DNAAF9: variants seen among roughly 807,000 people sequenced by gnomAD.
DNAAF9 encodes the protein dynein axonemal assembly factor 9, also known as shulin.
In DNAAF9, 90 loss-of-function variants were observed where a neutral mutation model predicts 167.0. The observed-to-expected ratio is 0.54, with a 90% CI of 0.45 to 0.64. The LOEUF is 0.64. DNAAF9 is among the 30% of genes least tolerant of loss of function. The pLI is 0.00. For synonymous variants in DNAAF9, 491 were observed against 508.8 expected (o/e 0.96, Z 0.47); for missense variants, 1,315 against 1,442.2 (o/e 0.91, Z 1.43).
chr20:3,324,887 C>G lies in DNAAF9; in HGVS notation c.1265+5G>C. 6.5e-7 allele frequency: 1 copy of G among 1,527,990 alleles called. No individual in the cohort carries two copies. The highest frequency in any genetic ancestry group is 9.0e-7 in the Non-Finnish European group (1 of 1,108,196). The allele number at this position is 1,527,990 out of a possible 1,614,324, so 94.7% of individuals were successfully genotyped here. A position where few individuals can be genotyped will look rare whatever the true frequency, so the allele number is the denominator to read the frequency against. ...TCCTTATAAAAAATATCAGCCATTGCTTACCGCAGGGCTGCCTTAAACGGA... is the reference window on the plus strand; with the variant it reads ...TCCTTATAAAAAATATCAGCCATTGGTTACCGCAGGGCTGCCTTAAACGGA... On this transcript the variant is annotated splice_donor_5th_base_variant and intron_variant, in intron 14 of 36. Transcript: ENST00000252032.
intron 1 of DNAAF9, among the ~76,000 whole-genome samples, chr20:3,400,137 T>C (rs965682495): frequency 6.6e-6 from 1 of 152,252 alleles, no homozygotes; most frequent in African/African-American, 2.4e-5. Flanking sequence ...TCTGAATATT[T>C]CCTTACAGAA....
chr20:3,364,349 T>C (rs930836372), intron 6 of DNAAF9, among the ~76,000 whole-genome samples: 1 of 152,200 alleles, frequency 6.6e-6, no homozygotes, highest in Admixed American at 6.5e-5. Flanking sequence ...TGTATTCCTA[T>C]AAATATTCTT....
chr20:3,383,536 A>C (rs1403423242), intron 1 of DNAAF9, among the ~76,000 whole-genome samples: 7 of 151,644 alleles, frequency 4.6e-5, no homozygotes, highest in African/African-American at 1.7e-4. Flanking sequence ...TACAGGTGTG[A>C]GCCACCGCGC....
chr20:3,379,507 T>C (rs2083618788), intron 3 of DNAAF9, among the ~76,000 whole-genome samples: 2 of 151,816 alleles, frequency 1.3e-5, no homozygotes, highest in African/African-American at 4.8e-5. Flanking sequence ...GGCAGGAGAC[T>C]CCACCAGGAG....
Position 3,407,577 on chromosome 20 carries a change from C to T in DNAAF9, c.-20G>A. On this transcript the variant is annotated 5_prime_UTR_variant, in exon 1 of 37. Coordinates refer to ENST00000252032, the MANE Select transcript of DNAAF9 (RefSeq NM_001009984.3). ...GTCCATGGCGGCGGACGACTGGCGG[C>T]GGAGGAGGACGGTGCAGCTGCGAGG... The T allele has an allele frequency of 8.1e-7, 1 of 1,230,258 alleles. No individual in the cohort carries two copies. The highest frequency in any genetic ancestry group is 1.0e-6 in the Non-Finnish European group (1 of 986,774). The allele number at this position is 1,230,258 out of a possible 1,614,324, so 76.2% of individuals were successfully genotyped here. A position where few individuals can be genotyped will look rare whatever the true frequency, so the allele number is the denominator to read the frequency against.
rs556120595 is a variant in DNAAF9, at chr20:3,304,543, C to T, written c.1679G>A (p.Gly560Glu). Residue 560 changes from glycine (G) to glutamate (E), a missense_variant and splice_region_variant, in exon 21 of 37, where the codon GGG (glycine) becomes GAG (glutamate). Physicochemically the swap from Gly to Glu is moderately conservative, Grantham distance 98. Transcript: ENST00000252032. Reference protein sequence around the residue: ...SSNLQSWPEEGNVHFFSSGLL... With the variant: ...SSNLQSWPEEENVHFFSSGLL... ...GCCACTAGAGAAGAAATGAACATTC[C>T]CTGGAAGGAAAAGAGAGTTGGTCAG... is the stretch of plus-strand genomic sequence containing the variant. 25 of 1,374,498 alleles carry T rather than the reference C, an allele frequency of 1.8e-5. No individual in the cohort carries two copies. The South Asian group carries it at 2.8e-4, about 15-fold the overall frequency. 85.1% of individuals were successfully genotyped at this position (1,374,498 alleles called of 1,614,324 possible).
chr20:3,279,820 T>C (rs972622989), intron 28 of DNAAF9, among the ~76,000 whole-genome samples: 1 of 152,310 alleles, frequency 6.6e-6, no homozygotes, highest in Middle Eastern at 3.4e-3. Context: ...CCAGGTCTGT[T>C]TGGCACCACA....
chr20:3,349,961 C>G (rs761562867), intron 7 of DNAAF9, among the ~76,000 whole-genome samples: 40 of 152,032 alleles, frequency 2.6e-4, no homozygotes, highest in Non-Finnish European at 4.4e-4. Flanking sequence ...TGCACCAAAA[C>G]TCACTGGCCA....
intron 20 of DNAAF9, among the ~76,000 whole-genome samples, chr20:3,310,638 T>C (rs918562932): frequency 1.3e-5 from 2 of 151,678 alleles, no homozygotes; most frequent in Admixed American, 6.6e-5. Flanking sequence ...TGAGCTGAGA[T>C]TGCGCCACTG....
intron 27 of DNAAF9, 116 bp from the exon 28 acceptor site, chr20:3,281,882 C>T: frequency 1.0e-6 from 1 of 982,534 alleles, no homozygotes. Context: ...AAAGGAAGAG[C>T]CCGCAATCTG....
At position 3,249,730 on chromosome 20, in the gene DNAAF9, G is replaced by A. The variant is rs1055586235; in HGVS notation, c.*2842C>T. ...GAATACTTCGTAGTTTACAATCTTT[G>A]AATTGAACTTTTCCCTTTTGAGAAG... On this transcript the variant is annotated 3_prime_UTR_variant, in exon 37 of 37. Coordinates refer to ENST00000252032, the MANE Select transcript of DNAAF9 (RefSeq NM_001009984.3). The A allele has an allele frequency of 6.6e-6, 1 of 152,130 alleles. No individual in the cohort carries two copies. Among genetic ancestry groups the A allele is most frequent in the Admixed American group, 6.5e-5 (1 of 15,274 alleles). The allele number at this position is 152,130 out of a possible 1,614,324, so 9.4% of individuals were successfully genotyped here. A position where few individuals can be genotyped will look rare whatever the true frequency, so the allele number is the denominator to read the frequency against.
chr20:3,299,354 C>T (rs2069142560), intron 21 of DNAAF9, among the ~76,000 whole-genome samples: 1 of 151,594 alleles, frequency 6.6e-6, no homozygotes, highest in Admixed American at 6.6e-5. Context: ...GGACCTGTGC[C>T]CAGGATGGAG....
chr20:3,371,301 T>C (rs1381190737), intron 6 of DNAAF9, among the ~76,000 whole-genome samples: 1 of 150,862 alleles, frequency 6.6e-6, no homozygotes, highest in African/African-American at 2.4e-5. Flanking sequence ...AAAGAGAAAT[T>C]TTCTCAATTA....
intron 25 of DNAAF9, among the ~76,000 whole-genome samples, chr20:3,290,934 A>C (rs2068939918): frequency 6.6e-6 from 1 of 151,932 alleles, no homozygotes; most frequent in African/African-American, 2.4e-5. Flanking sequence ...GATTACAGGC[A>C]CATGCCACCA....
chr20:3,369,573 C>T (rs548230796), intron 6 of DNAAF9, among the ~76,000 whole-genome samples: 3 of 152,066 alleles, frequency 2.0e-5, no homozygotes, highest in East Asian at 1.9e-4. Context: ...ACGGGGGTCT[C>T]GCTGTGTTGA....
chr20:3,357,142 T>C (rs2083296380), intron 7 of DNAAF9, among the ~76,000 whole-genome samples: 1 of 152,224 alleles, frequency 6.6e-6, no homozygotes, highest in African/African-American at 2.4e-5. Flanking sequence ...TTAGCTGTTT[T>C]TCAAATACTC....
At chr20:3,325,793 G>C (rs970784586) in intron 13 of DNAAF9, among the ~76,000 whole-genome samples, 1 of 151,960 alleles carries the variant, frequency 6.6e-6, no homozygotes, top group Non-Finnish European at 1.5e-5. Flanking sequence ...CTAATCTTTA[G>C]CTATTTTTTT....
rs2069483000 is a variant in DNAAF9, at chr20:3,315,278, T to C, written c.1591-158A>G. On this transcript the variant is annotated intron_variant, in intron 19 of 36. Transcript: ENST00000252032. The surrounding 1 kb of genome is among the most constrained non-coding windows in gnomAD (Gnocchi z 4.1). ...GTATTCCATGGCCTTTGGCATTGTC[T>C]GGCTCTTTGGCAGTTACTGGCATCC... 6.6e-6 allele frequency among the ~76,000 whole-genome samples: 1 copy of C among 152,268 alleles called. No homozygotes were observed. Among genetic ancestry groups the C allele is most frequent in the South Asian group, 2.1e-4 (1 of 4,830 alleles).
At chr20:3,288,774 T>C (rs1342632000) in intron 26 of DNAAF9, among the ~76,000 whole-genome samples, 6 of 152,182 alleles carry the variant, frequency 3.9e-5, no homozygotes, top group African/African-American at 1.4e-4. Context: ...GAAGGATGAA[T>C]GATTTTCCTG....
Sources: gnomAD v4.1 joint callset for allele counts (sites outside exome capture counted in the v4.1 genomes callset) on GRCh38, gnomAD v4.1.1 for gene constraint, Gnocchi (gnomAD v3.1) non-coding constraint, MANE v1.5 for transcripts, NCBI Gene and HGNC (gene_info 2026-07-23, HGNC 2026-07-21) for gene names.